Variants in FHIT observed in about 807,000 individuals in gnomAD.
The protein encoded by FHIT is bis(5'-adenosyl)-triphosphatase.
In FHIT, 19 loss-of-function variants were observed where a neutral mutation model predicts 17.9. The observed-to-expected ratio is 1.06, with a 90% CI of 0.74 to 1.56. The LOEUF is 1.56. Ranked by LOEUF, FHIT falls within the 40% of genes most tolerant of loss-of-function variation. The probability of loss-of-function intolerance (pLI) is 0.00; values close to 1 mark genes in which losing one functional copy is unlikely to be tolerated. For synonymous variants in FHIT, 81 were observed against 69.7 expected (o/e 1.16, Z -0.81); for missense variants, 248 against 189.2 (o/e 1.31, Z -1.82).
chr3:60,410,347 A>G (rs1376346394), intron 5 of FHIT, among the ~76,000 whole-genome samples: 1 of 152,178 alleles, frequency 6.6e-6, no homozygotes, highest in East Asian at 1.9e-4. Flanking sequence ...TCTATGTCTA[A>G]AGAGGAGAAA....
chr3:60,384,685 CAGAAAATCAT>C (rs1700937788), intron 5 of FHIT, among the ~76,000 whole-genome samples: 1 of 59,960 alleles, frequency 1.7e-5, no homozygotes, highest in African/African-American at 4.4e-5. Flanking sequence ...TGAATCACTA[CAGAAAATCAT>C]TACAAAATCT....
At chr3:61,213,539 T>A (rs2039561485) in intron 1 of FHIT, among the ~76,000 whole-genome samples, 1 of 152,102 alleles carries the variant, frequency 6.6e-6, no homozygotes. Flanking sequence ...AGACTTAGAC[T>A]CCCACACAAT....
At position 60,714,235 on chromosome 3, in the gene FHIT, C is replaced by G. The variant is rs550100825; in HGVS notation, c.-18+107684G>C. 1.4e-3 allele frequency among the ~76,000 whole-genome samples: 204 copies of G among 148,396 alleles called. 1 individual carries two copies. Among genetic ancestry groups the G allele is most frequent in the African/African-American group, 3.9e-3 (162 of 41,262 alleles). The stretch of plus-strand genomic sequence containing the variant: ...AAGGCCTTTGACAAAATTCAACAAC[C>G]CTTCATGCTAAAAACTCTCAATAAA... On this transcript the variant is annotated intron_variant, in intron 4 of 9. Coordinates refer to ENST00000492590, the MANE Select transcript of FHIT (RefSeq NM_002012.4).
At chr3:60,157,614 T>C (rs947701276) in intron 5 of FHIT, among the ~76,000 whole-genome samples, 1 of 152,204 alleles carries the variant, frequency 6.6e-6, no homozygotes, top group Admixed American at 6.5e-5. Flanking sequence ...AAACTTTCAC[T>C]GAGCTGTTTA....
chr3:60,244,105 T>C (rs1705270405), intron 5 of FHIT, among the ~76,000 whole-genome samples: 1 of 152,106 alleles, frequency 6.6e-6, no homozygotes, highest in Non-Finnish European at 1.5e-5. Context: ...ATATTAAAAG[T>C]GGCTTTTCTG....
chr3:60,797,027 T>C (rs1361061384), intron 4 of FHIT, among the ~76,000 whole-genome samples: 2 of 152,174 alleles, frequency 1.3e-5, no homozygotes, highest in African/African-American at 4.8e-5. Flanking sequence ...ATTTGATATA[T>C]TTTGAACCAC....
At chr3:59,925,319 T>C (rs768199518) in intron 7 of FHIT, among the ~76,000 whole-genome samples, 21 of 152,128 alleles carry the variant, frequency 1.4e-4, no homozygotes, top group Non-Finnish European at 2.9e-4. Context: ...TTGCCCAGTC[T>C]GGTCTCAAAC....
intron 5 of FHIT, among the ~76,000 whole-genome samples, chr3:60,368,022 T>C (rs1410933653): frequency 6.6e-6 from 1 of 152,076 alleles, no homozygotes; most frequent in Non-Finnish European, 1.5e-5. Flanking sequence ...GAAATGAAAA[T>C]CCAACATTTT....
At chr3:60,033,531 A>C (rs1197988090) in intron 5 of FHIT, among the ~76,000 whole-genome samples, 1 of 152,098 alleles carries the variant, frequency 6.6e-6, no homozygotes. Flanking sequence ...AGAAAGAAAG[A>C]AAAAGAAATA....
chr3:61,230,461 G>A (rs371863034), intron 1 of FHIT, among the ~76,000 whole-genome samples: 1 of 152,308 alleles, frequency 6.6e-6, no homozygotes, highest in African/African-American at 2.4e-5. Flanking sequence ...TGGAGCAGAT[G>A]CCAGCACCAT....
At chr3:60,178,510 C>G (rs897697038) in intron 5 of FHIT, among the ~76,000 whole-genome samples, 2 of 152,052 alleles carry the variant, frequency 1.3e-5, no homozygotes, top group African/African-American at 4.8e-5. Flanking sequence ...CACTTGAACC[C>G]TGGAGGCAGA....
intron 3 of FHIT, among the ~76,000 whole-genome samples, chr3:60,834,443 T>A (rs1441200726): frequency 6.6e-6 from 1 of 152,236 alleles, no homozygotes; most frequent in African/African-American, 2.4e-5. Flanking sequence ...CTAATTGAGT[T>A]GCTTGGATTT....
intron 3 of FHIT, among the ~76,000 whole-genome samples, chr3:60,993,101 A>G (rs905609271): frequency 6.6e-6 from 1 of 152,224 alleles, no homozygotes; most frequent in African/African-American, 2.4e-5. Flanking sequence ...AAATTGGTGA[A>G]CTAGCTAGAA....
intron 5 of FHIT, among the ~76,000 whole-genome samples, chr3:60,419,498 T>C (rs1446825104): frequency 6.6e-6 from 1 of 152,178 alleles, no homozygotes. Context: ...TTCTGAAAGC[T>C]TTTCACTCTG....
At chr3:60,145,973 C>A (rs148983365) in intron 5 of FHIT, among the ~76,000 whole-genome samples, 2,582 of 152,272 alleles carry the variant, frequency 0.017, 30 homozygotes, top group South Asian at 0.027. Flanking sequence ...TATTTTTTAA[C>A]ATGCAACAGG....
At chr3:61,102,854 G>A (rs1240188965) in intron 2 of FHIT, among the ~76,000 whole-genome samples, 1 of 152,164 alleles carries the variant, frequency 6.6e-6, no homozygotes, top group Non-Finnish European at 1.5e-5. Context: ...GGTGTTTATA[G>A]TACTCTCTGA....
intron 5 of FHIT, among the ~76,000 whole-genome samples, chr3:60,465,929 A>G (rs1404993083): frequency 6.6e-6 from 1 of 152,028 alleles, no homozygotes; most frequent in East Asian, 1.9e-4. Flanking sequence ...GAAGAATGTC[A>G]TTGGTATTTT....
chr3:61,092,002 G>C (rs900289462), intron 2 of FHIT, among the ~76,000 whole-genome samples: 8 of 142,106 alleles, frequency 5.6e-5, no homozygotes, highest in Non-Finnish European at 1.2e-4. Flanking sequence ...TTCATGGTCA[G>C]TTAGTTCTTC....
chr3:60,091,864 T>G (rs1703747823), intron 5 of FHIT, among the ~76,000 whole-genome samples: 1 of 152,132 alleles, frequency 6.6e-6, no homozygotes, highest in Non-Finnish European at 1.5e-5. Flanking sequence ...CTGCTATGCT[T>G]CCTGTATGGC....
Sources: allele counts gnomAD v4.1 joint callset (sites outside exome capture counted in the v4.1 genomes callset), GRCh38; gene constraint gnomAD v4.1.1; transcripts MANE v1.5; gene names NCBI Gene and HGNC (gene_info 2026-07-23, HGNC 2026-07-21).